PRR5: variants seen among roughly 807,000 people sequenced by gnomAD.
The protein encoded by PRR5 is proline-rich protein 5.
Under a neutral mutation model 30.6 loss-of-function variants are expected in PRR5, and 25 were observed. That is an observed-to-expected ratio of 0.82 (90% CI 0.60 to 1.14). The LOEUF (loss-of-function observed/expected upper bound fraction) is 1.14. Ranked by LOEUF, PRR5 falls within the 50% of genes most tolerant of loss-of-function variation. PRR5 has a pLI of 0.00. For synonymous variants in PRR5, 286 were observed against 247.1 expected (o/e 1.16, Z -1.48); for missense variants, 600 against 547.1 (o/e 1.10, Z -0.96).
chr22:44,722,074 G>A (rs759331083), intron 2 of PRR5, among the ~76,000 whole-genome samples: 4 of 152,204 alleles, frequency 2.6e-5, no homozygotes, highest in South Asian at 2.1e-4. Context: ...CTGCTGGGGC[G>A]GGGGCTGCCT....
chr22:44,704,433 C>A (rs980008780), intron 1 of PRR5, among the ~76,000 whole-genome samples: 2 of 152,202 alleles, frequency 1.3e-5, no homozygotes, highest in African/African-American at 4.8e-5. Flanking sequence ...AGTGTCTTCT[C>A]AGAGTTCAGG....
chr22:44,672,993 G>A (rs191090570), upstream of PRR5, among the ~76,000 whole-genome samples: 5 of 152,210 alleles, frequency 3.3e-5, no homozygotes, highest in African/African-American at 9.6e-5. Context: ...CCACCATGGC[G>A]GGCTCCTCTG....
Position 44,714,577 on chromosome 22 carries a change from C to A in PRR5, c.135-14C>A. Reference sequence around the variant, plus strand: ...GACCTCAGGACTGCAGTGTTTTCTTCCCTCTGCCCCCAGCATCCACAACGG... The same window carrying A: ...GACCTCAGGACTGCAGTGTTTTCTTACCTCTGCCCCCAGCATCCACAACGG... On this transcript the variant is annotated splice_polypyrimidine_tract_variant and intron_variant, in intron 1 of 7. Coordinates refer to ENST00000336985, the MANE Select transcript of PRR5 (RefSeq NM_181333.4). 6.2e-7 allele frequency: 1 copy of A among 1,612,224 alleles called. No homozygotes were observed. The highest frequency in any genetic ancestry group is 8.5e-7 in the Non-Finnish European group (1 of 1,179,914).
chr22:44,732,759 C>T (rs960533942), intron 6 of PRR5, among the ~76,000 whole-genome samples: 13 of 150,326 alleles, frequency 8.6e-5, no homozygotes, highest in Non-Finnish European at 1.0e-4. Flanking sequence ...TGCACGCACA[C>T]GCTACACACA....
chr22:44,696,480 G>A (rs934684328), intron 1 of PRR5, among the ~76,000 whole-genome samples: 1 of 152,184 alleles, frequency 6.6e-6, no homozygotes, highest in African/African-American at 2.4e-5. Flanking sequence ...GCAGGTGCAT[G>A]TGTGACGTCT....
intron 5 of PRR5, 97 bp downstream of exon 5, chr22:44,731,918 C>A: frequency 8.0e-7 from 1 of 1,254,298 alleles, no homozygotes; most frequent in Non-Finnish European, 1.1e-6. Context: ...TGGGGACACA[C>A]ACACCTGCTC....
intron 6 of PRR5, chr22:44,734,766 T>C (rs970795021): frequency 3.6e-6 from 2 of 555,148 alleles, no homozygotes; most frequent in African/African-American, 3.8e-5. Flanking sequence ...CCATCTCATC[T>C]GGCCACAGGG....
At position 44,691,753 on chromosome 22, in the gene PRR5, G is replaced by A. The variant is rs1180184915; in HGVS notation, c.-10-10739G>A. On this transcript the variant is annotated intron_variant, in intron 1 of 8. Coordinates refer to the PRR5 transcript ENST00000006251. The surrounding 1 kb of genome is among the most constrained non-coding windows in gnomAD (Gnocchi z 4.4). ...TGCACCACTGCATTCCAGCCTGCGCGACGGGAGCAAGACTCCATCTCAAAA... is the reference window on the plus strand; with the variant it reads ...TGCACCACTGCATTCCAGCCTGCGCAACGGGAGCAAGACTCCATCTCAAAA... Among the ~76,000 whole-genome samples the A allele has an allele frequency of 2.0e-5, 3 of 151,892 alleles. No homozygotes were observed. The highest frequency in any genetic ancestry group is 2.9e-5 in the Non-Finnish European group (2 of 67,946).
intron 1 of PRR5, among the ~76,000 whole-genome samples, chr22:44,692,747 G>A (rs905433484): frequency 3.3e-5 from 5 of 152,330 alleles, no homozygotes; most frequent in African/African-American, 7.2e-5. Flanking sequence ...CCGGGAGTCC[G>A]TCCCGCTCTG....
chr22:44,702,680 C>T (rs936543291), intron 1 of PRR5, 72 bp downstream of exon 1: 80 of 1,235,894 alleles, frequency 6.5e-5, no homozygotes, highest in Non-Finnish European at 7.5e-5. Context: ...CGTCCGCGGG[C>T]TAGGGGCCGC....
chr22:44,695,348 T>A (rs1376383976), intron 1 of PRR5, among the ~76,000 whole-genome samples: 1 of 152,174 alleles, frequency 6.6e-6, no homozygotes, highest in Non-Finnish European at 1.5e-5. Flanking sequence ...ATAATTGTTT[T>A]GAGATAATTG....
intron 6 of PRR5, 71 bp downstream of exon 6, chr22:44,732,462 A>G (rs1922203421): frequency 1.3e-6 from 2 of 1,548,518 alleles, no homozygotes; most frequent in Non-Finnish European, 1.7e-6. Context: ...CCCCACAGGC[A>G]GAGCATGAGA....
chr22:44,709,558 A>G (rs1188845536), intron 1 of PRR5, among the ~76,000 whole-genome samples: 1 of 152,102 alleles, frequency 6.6e-6, no homozygotes, highest in Non-Finnish European at 1.5e-5. Context: ...AGGGAAACTG[A>G]TTTAGAACTT....
At chr22:44,731,663 T>C in intron 4 of PRR5, 67 bp from the exon 5 acceptor site, 1 of 1,513,154 alleles carries the variant, frequency 6.6e-7, no homozygotes, top group Non-Finnish European at 9.2e-7. Context: ...TGATGACCCA[T>C]CCTGGGTGAG....
chr22:44,731,353 G>A (rs551978160), intron 4 of PRR5: 46 of 329,030 alleles, frequency 1.4e-4, no homozygotes, highest in Non-Finnish European at 2.4e-4. Flanking sequence ...CGTCTCACCT[G>A]TGCCAGGTGT....
At chr22:44,692,282 C>T (rs368903221) in intron 1 of PRR5, among the ~76,000 whole-genome samples, 20 of 129,164 alleles carry the variant, frequency 1.5e-4, no homozygotes, top group East Asian at 1.3e-3. Context: ...CTCCCACGCT[C>T]CTCCACCAGG....
chr22:44,670,361 C>T (rs991126655), intron 1 of PRR5, among the ~76,000 whole-genome samples: 5 of 152,210 alleles, frequency 3.3e-5, no homozygotes, highest in Non-Finnish European at 7.3e-5. Context: ...CTGTGAAGTC[C>T]GGCAGGCCTG....
chr22:44,733,250 C>T, intron 6 of PRR5, among the ~76,000 whole-genome samples: 1 of 152,242 alleles, frequency 6.6e-6, no homozygotes, highest in East Asian at 1.9e-4. Flanking sequence ...TTCCCAGGCA[C>T]CACACTTTGC....
At chr22:44,722,051 A>C (rs895010352) in intron 2 of PRR5, among the ~76,000 whole-genome samples, 1 of 151,990 alleles carries the variant, frequency 6.6e-6, no homozygotes, top group Admixed American at 6.6e-5. Context: ...ACAGTGGGAG[A>C]AGGTTGGGGG....
Sources: allele counts gnomAD v4.1 joint callset (sites outside exome capture counted in the v4.1 genomes callset), GRCh38; gene constraint gnomAD v4.1.1; non-coding constraint Gnocchi (gnomAD v3.1); transcripts MANE v1.5; gene names NCBI Gene and HGNC (gene_info 2026-07-23, HGNC 2026-07-21).